Variants in THG1L observed in about 807,000 individuals in gnomAD.
THG1L encodes tRNA-histidine guanylyltransferase 1 like, also known as probable tRNA(His) guanylyltransferase.
THG1L carries 27 observed loss-of-function variants against 35.2 expected under a neutral mutation model. The ratio of observed to expected loss-of-function variants is 0.77; its 90% CI spans 0.57 to 1.06. THG1L has a LOEUF of 1.06. THG1L is among the 50% of genes least tolerant of loss of function. The pLI, the probability that THG1L is intolerant of heterozygous loss-of-function variation, is 0.00. For synonymous variants in THG1L, 135 were observed against 132.4 expected, an observed-to-expected ratio of 1.02 and a Z score of -0.14; for missense variants, 377 against 371.8, an observed-to-expected ratio of 1.01 and a Z score of -0.12.
At chr5:157,733,131 A>G (rs1760773625) in intron 2 of THG1L, 87 bp downstream of exon 2, 2 of 1,486,116 alleles carry the variant, frequency 1.3e-6, no homozygotes, top group Admixed American at 1.8e-5. Flanking sequence ...CTTACAGGCT[A>G]CAGATGATGT....
intron 5 of THG1L, 29 bp from the exon 6 acceptor site, chr5:157,739,292 C>A: frequency 6.2e-7 from 1 of 1,605,024 alleles, no homozygotes; most frequent in Non-Finnish European, 8.5e-7. Context: ...CCTGACTTAA[C>A]AATGTCACTA....
rs200567231 is a variant in THG1L, at chr5:157,739,455, T to C, written c.870T>C (p.His290=). The change falls in exon 6 of 6, where the codon CAT becomes CAC. Residue 290 remains histidine, a synonymous_variant. Coordinates refer to ENST00000231198, the MANE Select transcript of THG1L (RefSeq NM_017872.5). ...DIIGDAFWKE[H]PEILDEDS ...TCGGGGATGCTTTCTGGAAGGAACA[T>C]CCAGAGATTCTAGATGAAGACAGCT... 3 of 1,613,328 alleles carry C rather than the reference T, an allele frequency of 1.9e-6. No individual in the cohort carries two copies. Among genetic ancestry groups the C allele is most frequent in the Non-Finnish European group, 2.5e-6 (3 of 1,179,664 alleles).
chr5:157,732,422 T>C (rs1248166161), intron 1 of THG1L, among the ~76,000 whole-genome samples: 2 of 151,944 alleles, frequency 1.3e-5, no homozygotes, highest in Non-Finnish European at 2.9e-5. Flanking sequence ...CACTCCAGCT[T>C]GGGTGACAGA....
chr5:157,739,647 G>T lies in THG1L; in HGVS notation c.*165G>T. 1 of 730,312 alleles carries T rather than the reference G, an allele frequency of 1.4e-6. No homozygotes were observed. Among genetic ancestry groups the T allele is most frequent in the African/African-American group, 1.8e-5 (1 of 56,176 alleles). 45.2% of individuals were successfully genotyped at this position (730,312 alleles called of 1,614,324 possible). A position where few individuals can be genotyped will look rare whatever the true frequency, so the allele number is the denominator to read the frequency against. ...GGGAAGGAAGGGATGGATGGGGGTG[G>T]TGTATCTTACTCTGTTTAAGCAGAA... is the stretch of plus-strand genomic sequence containing the variant. On this transcript the variant is annotated 3_prime_UTR_variant, in exon 6 of 6. Coordinates refer to ENST00000231198, the MANE Select transcript of THG1L (RefSeq NM_017872.5).
chr5:157,732,383 A>T (rs1223349528), intron 1 of THG1L, among the ~76,000 whole-genome samples: 2 of 152,140 alleles, frequency 1.3e-5, no homozygotes, highest in Non-Finnish European at 2.9e-5. Context: ...TGGGAGGTCA[A>T]GGCTGCAGTG....
chr5:157,731,424 T>C lies in THG1L; in HGVS notation c.-17T>C. 1 of 1,572,772 alleles carries C rather than the reference T, an allele frequency of 6.4e-7. No individual in the cohort carries two copies. The highest frequency in any genetic ancestry group is 8.6e-7 in the Non-Finnish European group (1 of 1,157,946). On this transcript the variant is annotated 5_prime_UTR_variant, in exon 1 of 6. Coordinates refer to ENST00000231198, the MANE Select transcript of THG1L (RefSeq NM_017872.5). The stretch of plus-strand genomic sequence containing the variant: ...TCCGGGGCGGGGCTATCTGGCCCTT[T>C]CCTTTCCGCGTGTAGAATGTGGGGC...
intron 2 of THG1L, among the ~76,000 whole-genome samples, chr5:157,734,054 G>A (rs1760802430): frequency 6.6e-6 from 1 of 152,018 alleles, no homozygotes; most frequent in African/African-American, 2.4e-5. Context: ...GTATCAGTAG[G>A]TTACTTAATA....
intron 2 of THG1L, among the ~76,000 whole-genome samples, chr5:157,733,710 C>T (rs935730705): frequency 2.0e-5 from 3 of 152,206 alleles, no homozygotes; most frequent in African/African-American, 7.2e-5. Context: ...TGGTGGCTCA[C>T]GCCTGTAATC....
At position 157,738,428 on chromosome 5, in the gene THG1L, A is replaced by G. The variant is rs1351894122; in HGVS notation, c.735+434A>G. Among the ~76,000 whole-genome samples, 3 of 152,330 alleles carry G rather than the reference A, an allele frequency of 2.0e-5. No individual in the cohort carries two copies. The East Asian group carries it at 5.8e-4, about 29-fold the overall frequency. Reference sequence around the variant, plus strand: ...GTATATGAGGGTTTGTTATTTTCGTAAATGTCATGAGATTCCCTTGACATT... The same window carrying G: ...GTATATGAGGGTTTGTTATTTTCGTGAATGTCATGAGATTCCCTTGACATT... On this transcript the variant is annotated intron_variant, in intron 5 of 5. Transcript: ENST00000231198.
In THG1L at chr5:157,731,638, GAGCTCGACTCGGGGCGTCGCGATGCGCC is replaced by G. The variant is rs753300783; in HGVS notation, c.191+11_191+38del. The stretch of plus-strand genomic sequence containing the variant: ...ACGGCCGGAATTTCCATCGGTGAGC[GAGCTCGACTCGGGGCGTCGCGATGCGCC>G]AGCGCTTCCGGGGAATCCAGCTTCT... On this transcript the variant is annotated splice_region_variant and intron_variant, in intron 1 of 5. Transcript: ENST00000231198. 46 of 1,588,198 alleles carry G rather than the reference GAGCTCGACTCGGGGCGTCGCGATGCGCC, an allele frequency of 2.9e-5. No individual in the cohort carries two copies. Among genetic ancestry groups the G allele is most frequent in the Non-Finnish European group, 3.8e-5 (44 of 1,164,610 alleles).
rs747742126 is a variant in THG1L at position 157,731,650 on chromosome 5, G to C, written c.191+19G>C. On this transcript the variant is annotated intron_variant, in intron 1 of 5. Coordinates refer to ENST00000231198, the MANE Select transcript of THG1L (RefSeq NM_017872.5). ...TCCATCGGTGAGCGAGCTCGACTCG[G>C]GGCGTCGCGATGCGCCAGCGCTTCC... 3 of 1,578,734 alleles carry C rather than the reference G, an allele frequency of 1.9e-6. No homozygotes were observed. Among genetic ancestry groups the C allele is most frequent in the African/African-American group, 1.4e-5 (1 of 73,660 alleles).
Position 157,731,593 on chromosome 5 carries a change from C to G in THG1L, c.153C>G (p.Cys51Trp), listed in dbSNP as rs761402752. The stretch of plus-strand genomic sequence containing the variant: ...CTGACGACACCTGCCTGGCACACTG[C>G]TGGGTGGTAGTGCGGCTGGACGGCC... ...FEADDTCLAHCWVVVRLDGRN... is the reference protein window; with the variant it reads ...FEADDTCLAHWWVVVRLDGRN... The change falls in exon 1 of 6, where the codon TGC becomes TGG. Residue 51 changes from cysteine to tryptophan, a missense_variant. Coordinates refer to ENST00000231198, the MANE Select transcript of THG1L (RefSeq NM_017872.5). The G allele has an allele frequency of 1.1e-5, 18 of 1,607,682 alleles. No homozygotes were observed. Among genetic ancestry groups the G allele is most frequent in the Non-Finnish European group, 1.2e-5 (14 of 1,176,872 alleles).
At chr5:157,736,305 A>G (rs1177545968) in intron 4 of THG1L, among the ~76,000 whole-genome samples, 2 of 150,358 alleles carry the variant, frequency 1.3e-5, no homozygotes, top group African/African-American at 2.5e-5. Flanking sequence ...GCTGCAGTAC[A>G]GTGGTGTGAT....
intron 4 of THG1L, among the ~76,000 whole-genome samples, chr5:157,736,458 C>G (rs774973886): frequency 2.9e-4 from 44 of 152,160 alleles, no homozygotes; most frequent in Non-Finnish European, 5.6e-4. Context: ...CCCCGTTGGC[C>G]AGGCTGGTCT....
Position 157,740,746 on chromosome 5 carries a change from T to C in THG1L, c.*1264T>C, listed in dbSNP as rs1002099500. 2.0e-5 allele frequency: 3 copies of C among 151,350 alleles called. No individual in the cohort carries two copies. The highest frequency in any genetic ancestry group is 4.4e-5 in the Non-Finnish European group (3 of 67,940). The allele number at this position is 151,350 out of a possible 1,614,324, so 9.4% of individuals were successfully genotyped here. ...GAGAAACCCCCGTCTCTACTAAAAATACAAAAAATTAGCTGGGCATGGTGG... is the reference window on the plus strand; with the variant it reads ...GAGAAACCCCCGTCTCTACTAAAAACACAAAAAATTAGCTGGGCATGGTGG... On this transcript the variant is annotated 3_prime_UTR_variant, in exon 6 of 6. Coordinates refer to ENST00000231198, the MANE Select transcript of THG1L (RefSeq NM_017872.5).
At chr5:157,734,999 G>C (rs1234813160) in intron 3 of THG1L, among the ~76,000 whole-genome samples, 1 of 150,590 alleles carries the variant, frequency 6.6e-6, no homozygotes, top group Non-Finnish European at 1.5e-5. Flanking sequence ...ATGCAGTGGT[G>C]TCATCTTGGC....
intron 4 of THG1L, among the ~76,000 whole-genome samples, chr5:157,736,941 T>C (rs13153484): frequency 0.037 from 5,655 of 152,204 alleles, 149 homozygotes; most frequent in Middle Eastern, 0.088. Flanking sequence ...TTGTAACAGA[T>C]CTTTTATTTG....
chr5:157,740,220 T>C lies in THG1L; in HGVS notation c.*738T>C, dbSNP rs1760997959. 1 of 152,246 alleles carries C rather than the reference T, an allele frequency of 6.6e-6. No individual in the cohort carries two copies. Among genetic ancestry groups the C allele is most frequent in the Admixed American group, 6.5e-5 (1 of 15,282 alleles). The allele number at this position is 152,246 out of a possible 1,614,324, so 9.4% of individuals were successfully genotyped here. A position where few individuals can be genotyped will look rare whatever the true frequency, so the allele number is the denominator to read the frequency against. On this transcript the variant is annotated 3_prime_UTR_variant, in exon 6 of 6. Coordinates refer to ENST00000231198, the MANE Select transcript of THG1L (RefSeq NM_017872.5). The stretch of plus-strand genomic sequence containing the variant: ...TATATATGAGAGAAAGAAACAAGAA[T>C]GCGTGAATGAGGATGAAGAAACATT...
intron 2 of THG1L, 147 bp from the exon 3 acceptor site, chr5:157,734,429 T>A: frequency 1.1e-6 from 1 of 890,668 alleles, no homozygotes; most frequent in Non-Finnish European, 1.7e-6. Flanking sequence ...ATTAAAATAG[T>A]GTTTCTTAGC....
Sources: gnomAD v4.1 joint callset for allele counts (sites outside exome capture counted in the v4.1 genomes callset) on GRCh38, gnomAD v4.1.1 for gene constraint, MANE v1.5 for transcripts, NCBI Gene and HGNC (gene_info 2026-07-23, HGNC 2026-07-21) for gene names.